The following PAXIP1 variants were observed in gnomAD, a reference collection of about 807,000 sequenced individuals.
The protein encoded by PAXIP1 is PAX interacting protein 1, also known as PAX-interacting protein 1.
In PAXIP1, 19 loss-of-function variants were observed where a neutral mutation model predicts 140.6. That is an observed-to-expected ratio of 0.14 (90% CI 0.09 to 0.20). The LOEUF (loss-of-function observed/expected upper bound fraction) is 0.20, where lower values mean the gene tolerates loss of function less well. Ranked by LOEUF, PAXIP1 falls within the 10% of genes least tolerant of loss-of-function variation. The probability of loss-of-function intolerance (pLI) is 1.00; values close to 1 mark genes in which losing one functional copy is unlikely to be tolerated. For synonymous variants in PAXIP1, 442 were observed against 444.6 expected, an observed-to-expected ratio of 0.99 and a Z score of 0.07; for missense variants, 920 against 1,208.6, an observed-to-expected ratio of 0.76 and a Z score of 3.54.
chr7:154,986,236 A>G lies in PAXIP1; in HGVS notation c.325-2904T>C, dbSNP rs1399767213. 7.9e-7 allele frequency: 1 copy of G among 1,268,952 alleles called. No individual in the cohort carries two copies. The highest frequency in any genetic ancestry group is 1.0e-6 in the Non-Finnish European group (1 of 965,488). The allele number at this position is 1,268,952 out of a possible 1,614,324, so 78.6% of individuals were successfully genotyped here. A position where few individuals can be genotyped will look rare whatever the true frequency, so the allele number is the denominator to read the frequency against. On this transcript the variant is annotated intron_variant, in intron 4 of 20. Coordinates refer to ENST00000404141, the MANE Select transcript of PAXIP1 (RefSeq NM_007349.4). The surrounding 1 kb of genome is among the most constrained non-coding windows in gnomAD (Gnocchi z 4.8). Reference sequence around the variant, plus strand: ...ACCACCAAGAAACAGTCCTTTTGTAAAGCTGGGGTCCTGCCTGGCGTGTGC... The same window carrying G: ...ACCACCAAGAAACAGTCCTTTTGTAGAGCTGGGGTCCTGCCTGGCGTGTGC...
intron 8 of PAXIP1, chr7:154,964,078 C>T (rs1808891829): frequency 3.2e-6 from 1 of 311,010 alleles, no homozygotes; most frequent in South Asian, 3.4e-5. Context: ...GAAGTGGGGG[C>T]TGTCCTGTAC....
At position 154,968,941 on chromosome 7, in the gene PAXIP1, C is replaced by T. The variant is rs1219807922; in HGVS notation, c.1260G>A (p.Gln420=). 7 of 1,478,078 alleles carry T rather than the reference C, an allele frequency of 4.7e-6. No homozygotes were observed. In the South Asian group the frequency reaches 7.3e-5, roughly 15 times the overall value. The allele number at this position is 1,478,078 out of a possible 1,614,324, so 91.6% of individuals were successfully genotyped here. A position where few individuals can be genotyped will look rare whatever the true frequency, so the allele number is the denominator to read the frequency against. The stretch of plus-strand genomic sequence containing the variant: ...GCTGGAGCTGCATTATCTGCTGGGG[C>T]TGAAGGTGTAAAACCGGGTGCTGCT... The part of the protein sequence containing the change: ...QQQQHPVLHL[Q]PQQIMQLQQQ... The change falls in exon 7 of 21, where the codon CAG becomes CAA. Residue 420 remains glutamine (Q), a synonymous_variant. Coordinates refer to ENST00000404141, the MANE Select transcript of PAXIP1 (RefSeq NM_007349.4).
intron 3 of PAXIP1, among the ~76,000 whole-genome samples, chr7:154,992,578 G>A (rs933096950): frequency 2.0e-5 from 3 of 149,892 alleles, no homozygotes; most frequent in Non-Finnish European, 4.4e-5. Context: ...CTGGGCGACA[G>A]AGCAAGACTC....
intron 6 of PAXIP1, among the ~76,000 whole-genome samples, chr7:154,971,320 A>C (rs1207765500): frequency 2.0e-5 from 3 of 152,240 alleles, no homozygotes; most frequent in Non-Finnish European, 4.4e-5. Flanking sequence ...GGCTTGAGTT[A>C]AGATGGGTCT....
In PAXIP1 at chr7:154,973,398, A is replaced by C. The variant is rs1809423092; in HGVS notation, c.1074+2298T>G. Reference sequence around the variant, plus strand: ...AGGCCAGCTCGGCATTTTATCAGGCATCCACCTCTCAAGCCAGAAACCCAA... The same window carrying C: ...AGGCCAGCTCGGCATTTTATCAGGCCTCCACCTCTCAAGCCAGAAACCCAA... On this transcript the variant is annotated intron_variant, in intron 6 of 20. Transcript: ENST00000404141. This position sits in a 1 kb window ranked among gnomAD's most constrained non-coding sequence, Gnocchi z 4.0. Among the ~76,000 whole-genome samples, 1 of 152,216 alleles carries C rather than the reference A, an allele frequency of 6.6e-6. No individual in the cohort carries two copies. The highest frequency in any genetic ancestry group is 1.5e-5 in the Non-Finnish European group (1 of 68,040).
intron 1 of PAXIP1, among the ~76,000 whole-genome samples, chr7:154,999,169 G>A (rs1810775040): frequency 6.6e-6 from 1 of 152,204 alleles, no homozygotes; most frequent in South Asian, 2.1e-4. Context: ...TTCATAATTA[G>A]GGAAAGATTC....
intron 4 of PAXIP1, among the ~76,000 whole-genome samples, chr7:154,989,596 A>G (rs1810230764): frequency 6.6e-6 from 1 of 152,224 alleles, no homozygotes; most frequent in Non-Finnish European, 1.5e-5. Context: ...TTGTAAAACG[A>G]CTTTAAACAA....
chr7:154,992,107 A>T (rs1463692471), intron 3 of PAXIP1, among the ~76,000 whole-genome samples: 1 of 152,168 alleles, frequency 6.6e-6, no homozygotes, highest in Non-Finnish European at 1.5e-5. Context: ...AATAAAGGCA[A>T]ATCTCAGAGT....
At chr7:154,959,775 T>C (rs976377422) in intron 13 of PAXIP1, 115 bp downstream of exon 13, 5 of 733,042 alleles carry the variant, frequency 6.8e-6, no homozygotes, top group Non-Finnish European at 1.2e-5. Context: ...AGTAGATAAT[T>C]CGTTATCATG....
At chr7:154,968,222 G>A (rs1450693127) in intron 7 of PAXIP1, among the ~76,000 whole-genome samples, 181 bp downstream of exon 7, 2 of 152,168 alleles carry the variant, frequency 1.3e-5, no homozygotes, top group Non-Finnish European at 2.9e-5. Flanking sequence ...ATGTCCCAAA[G>A]TACAAAAGAA....
intron 16 of PAXIP1, chr7:154,949,382 T>C (rs772590626): frequency 5.3e-5 from 8 of 151,976 alleles, no homozygotes; most frequent in Non-Finnish European, 8.8e-5. Context: ...CGGCCAGAAA[T>C]ACAAAATCAA....
chr7:154,983,388 A>G, intron 4 of PAXIP1, 56 bp from the exon 5 acceptor site: 1 of 795,818 alleles, frequency 1.3e-6, no homozygotes, highest in South Asian at 1.6e-5. Flanking sequence ...GTGCATGGCT[A>G]TATTTTCACT....
intron 1 of PAXIP1, among the ~76,000 whole-genome samples, chr7:155,002,438 G>A (rs1810956314): frequency 6.6e-6 from 1 of 152,180 alleles, no homozygotes; most frequent in African/African-American, 2.4e-5. Flanking sequence ...GGGGATCCCG[G>A]CGCCCCTCGT....
Position 154,977,178 on chromosome 7 carries a change from T to C in PAXIP1, c.439-847A>G, listed in dbSNP as rs530435735. 2.6e-5 allele frequency among the ~76,000 whole-genome samples: 4 copies of C among 152,034 alleles called. No homozygotes were observed. In the South Asian group the frequency reaches 8.3e-4, roughly 32 times the overall value. ...CAGAGACCTCTCCTGTGGTAAAGGG[T>C]GTAGAATGTGGAAGGCACAGGGGAG... On this transcript the variant is annotated intron_variant, in intron 5 of 20. Coordinates refer to ENST00000404141, the MANE Select transcript of PAXIP1 (RefSeq NM_007349.4).
chr7:154,959,767 T>C (rs1204936631), intron 13 of PAXIP1, 123 bp downstream of exon 13: 2 of 690,614 alleles, frequency 2.9e-6, no homozygotes, highest in African/African-American at 3.6e-5. Context: ...TTTACTGGAG[T>C]AGATAATTCG....
At chr7:154,999,556 A>G (rs1810791858) in intron 1 of PAXIP1, among the ~76,000 whole-genome samples, 1 of 152,178 alleles carries the variant, frequency 6.6e-6, no homozygotes, top group South Asian at 2.1e-4. Context: ...GATGGGCAGA[A>G]AGGAGGAAGA....
chr7:154,959,014 G>C (rs1585045793), intron 13 of PAXIP1, among the ~76,000 whole-genome samples: 2 of 152,212 alleles, frequency 1.3e-5, no homozygotes, highest in South Asian at 4.1e-4. Flanking sequence ...ACTGTGGCTT[G>C]GAGGGGCTTC....
Position 154,946,535 on chromosome 7 carries a change from C to T in PAXIP1, c.3110G>A (p.Arg1037Gln), listed in dbSNP as rs745971788. 15 of 1,613,774 alleles carry T rather than the reference C, an allele frequency of 9.3e-6. No individual in the cohort carries two copies. The East Asian group carries it at 1.3e-4, about 14-fold the overall frequency. The change falls in exon 19 of 21, where the codon CGA becomes CAA. Residue 1037 changes from arginine (R) to glutamine (Q), a missense_variant. Arg to Gln is a conservative substitution (Grantham distance 43, BLOSUM62 1). This residue lies in a region of PAXIP1 where 303 missense variants were observed against 517.9 expected (regional missense o/e 0.59). Transcript: ENST00000404141. This position sits in a 1 kb window ranked among gnomAD's most constrained non-coding sequence, Gnocchi z 4.9. ...ISCENDLHLC[R>Q]EYFARGIDVH... ...ACCTATGCCTCTGGCAAAATATTCTCGGCATAAATGAAGGTCATTTTCACA... is the reference window on the plus strand; with the variant it reads ...ACCTATGCCTCTGGCAAAATATTCTTGGCATAAATGAAGGTCATTTTCACA...
intron 4 of PAXIP1, chr7:154,983,742 A>G (rs1809947177): frequency 6.3e-6 from 1 of 159,980 alleles, no homozygotes; most frequent in Admixed American, 6.5e-5. Flanking sequence ...ATCGTATTTT[A>G]GGAATGCCTT....
Sources: allele counts gnomAD v4.1 joint callset (sites outside exome capture counted in the v4.1 genomes callset), GRCh38; gene constraint gnomAD v4.1.1; regional missense constraint gnomAD v4.1.1; non-coding constraint Gnocchi (gnomAD v3.1); transcripts MANE v1.5; gene names NCBI Gene and HGNC (gene_info 2026-07-23, HGNC 2026-07-21).